Variants in NTRK1 observed in about 807,000 individuals in gnomAD.
NTRK1 encodes high affinity nerve growth factor receptor.
In NTRK1, 62 loss-of-function variants were observed where a neutral mutation model predicts 86.8. That is an observed-to-expected ratio of 0.71 (90% CI 0.58 to 0.88). The LOEUF is 0.88. Among genes scored for constraint, NTRK1 ranks in the 40% least tolerant of loss-of-function variants. The pLI is 0.00. For synonymous variants in NTRK1, 469 were observed against 456.6 expected, an observed-to-expected ratio of 1.03 and a Z score of -0.35; for missense variants, 967 against 1,078.4, an observed-to-expected ratio of 0.90 and a Z score of 1.45.
At chr1:156,817,795 A>C (rs1571634961) in intron 1 of NTRK1, among the ~76,000 whole-genome samples, 1 of 152,032 alleles carries the variant, frequency 6.6e-6, no homozygotes. Flanking sequence ...GGCTTGTACC[A>C]CCATGCCTGG....
rs1381670284 is a variant in NTRK1 at position 156,881,638 on chromosome 1, G to A, written c.2387G>A (p.Gly796Asp). Residue 796 changes from glycine (G) to aspartate (D), a missense_variant, in exon 17 of 17, where the codon GGC (glycine) becomes GAC (aspartate). Physicochemically the swap from Gly to Asp is moderately conservative, Grantham distance 94. Coordinates refer to ENST00000524377, the MANE Select transcript of NTRK1 (RefSeq NM_002529.4). ...CCTCCTGTCTACCTGGATGTCCTGG[G>A]CTAGGGGGCCGGCCCAGGGGCTGGG... ...QAPPVYLDVLG is the reference protein window; with the variant it reads ...QAPPVYLDVLD 1.2e-6 allele frequency: 2 copies of A among 1,604,554 alleles called. No individual in the cohort carries two copies. Among genetic ancestry groups the A allele is most frequent in the Non-Finnish European group, 1.7e-6 (2 of 1,176,258 alleles).
At chr1:156,858,210 C>T (rs1655478458), upstream of NTRK1, among the ~76,000 whole-genome samples, 1 of 152,208 alleles carries the variant, frequency 6.6e-6, no homozygotes, top group Non-Finnish European at 1.5e-5. Flanking sequence ...CATTCAGTGG[C>T]CCTAGAGATG....
upstream of NTRK1, among the ~76,000 whole-genome samples, chr1:156,859,508 C>A (rs1002000706): frequency 3.9e-5 from 6 of 152,156 alleles, no homozygotes; most frequent in Non-Finnish European, 7.4e-5. This position sits in a 1 kb window ranked among gnomAD's most constrained non-coding sequence, Gnocchi z 6.2. Context: ...CCCGGGAGAA[C>A]GTGGACAGCC....
At chr1:156,863,349 A>T (rs934724352) in intron 1 of NTRK1, among the ~76,000 whole-genome samples, 3 of 144,732 alleles carry the variant, frequency 2.1e-5, no homozygotes, top group African/African-American at 2.6e-5. Flanking sequence ...TCTCTGTTTC[A>T]CTCTCTCTTT....
intron 1 of NTRK1, 146 bp from the exon 2 acceptor site, chr1:156,864,208 C>A: frequency 1.3e-6 from 1 of 745,052 alleles, no homozygotes; most frequent in Non-Finnish European, 2.4e-6. Context: ...TGTGTGCACG[C>A]CTGTGTAAGT....
At chr1:156,845,851 G>C (rs1174102904) in intron 2 of NTRK1, 1 of 1,586,572 alleles carries the variant, frequency 6.3e-7, no homozygotes, top group Admixed American at 1.8e-5. Flanking sequence ...TAAGACAGGC[G>C]GTCTACCCGC....
At chr1:156,860,691 CCTCGGG>C (rs1655594095), upstream of NTRK1, 2 of 613,348 alleles carry the variant, frequency 3.3e-6, no homozygotes, top group Non-Finnish European at 5.0e-6. Flanking sequence ...TGAGGCGGAT[CCTCGGG>C]GAGAAGGCTG....
intron 6 of NTRK1, 92 bp downstream of exon 6, chr1:156,868,739 G>A (rs1647336564): frequency 1.3e-6 from 2 of 1,512,436 alleles, no homozygotes; most frequent in Admixed American, 2.0e-5. Context: ...GGAGGAAAGA[G>A]ACAACGAATA....
At chr1:156,867,089 G>A in intron 4 of NTRK1, 111 bp downstream of exon 4, 3 of 1,123,224 alleles carry the variant, frequency 2.7e-6, no homozygotes, top group East Asian at 2.4e-5. Flanking sequence ...CTGCTGGGGG[G>A]TCTCTTTGGG....
At chr1:156,867,741 T>A (rs570102625) in intron 4 of NTRK1, among the ~76,000 whole-genome samples, 1 of 151,912 alleles carries the variant, frequency 6.6e-6, no homozygotes, top group South Asian at 2.1e-4. Context: ...CAATCTCATC[T>A]CGGCTCACTG....
At chr1:156,871,498 C>A in intron 6 of NTRK1, 125 bp from the exon 7 acceptor site, 1 of 1,048,916 alleles carries the variant, frequency 9.5e-7, no homozygotes, top group Non-Finnish European at 1.4e-6. Context: ...CCCTCTCTCC[C>A]TTCTCTTCCC....
chr1:156,862,025 A>G (rs111444791), intron 1 of NTRK1, among the ~76,000 whole-genome samples: 91 of 152,300 alleles, frequency 6.0e-4, no homozygotes, highest in African/African-American at 2.0e-3. Context: ...AATATTACAT[A>G]TGGCTATCAT....
chr1:156,838,889 G>A (rs546547614), intron 1 of NTRK1, among the ~76,000 whole-genome samples: 92 of 152,364 alleles, frequency 6.0e-4, no homozygotes, highest in African/African-American at 2.0e-3. Context: ...CCCTGCAGGC[G>A]TGTGCAAATG....
At chr1:156,850,661 T>A (rs982516056) in intron 2 of NTRK1, among the ~76,000 whole-genome samples, 1 of 147,390 alleles carries the variant, frequency 6.8e-6, no homozygotes, top group African/African-American at 2.5e-5. Context: ...TTCAAACAAT[T>A]CTCCTGCCTC....
chr1:156,836,245 A>G (rs11264572), intron 1 of NTRK1, among the ~76,000 whole-genome samples: 95,812 of 151,964 alleles, frequency 0.63, 30,809 homozygotes, highest in East Asian at 0.8. Flanking sequence ...AAGTGGGGAG[A>G]GTTGGGGGCC....
Position 156,861,133 on chromosome 1 carries a change from A to C in NTRK1, c.199A>C (p.Asn67His). Residue 67 changes from asparagine (N) to histidine (H), a missense_variant, in exon 1 of 17, where the codon AAC becomes CAC. Asn to His is a moderately conservative substitution (Grantham distance 68). Coordinates refer to ENST00000524377, the MANE Select transcript of NTRK1 (RefSeq NM_002529.4). Reference protein sequence around the residue: ...DSLHHLPGAENLTELYIENQQ... With the variant: ...DSLHHLPGAEHLTELYIENQQ... ...CCTCCACCACCTGCCCGGCGCAGAG[A>C]ACCTGACTGAGCTGTGAGTGTCCGG... 1 of 1,578,098 alleles carries C rather than the reference A, an allele frequency of 6.3e-7. No individual in the cohort carries two copies. Among genetic ancestry groups the C allele is most frequent in the Non-Finnish European group, 8.6e-7 (1 of 1,165,892 alleles).
chr1:156,844,055 A>C, intron 2 of NTRK1: 16 of 700,124 alleles, frequency 2.3e-5, no homozygotes, highest in Non-Finnish European at 3.2e-5. Flanking sequence ...CCGCAGGGGA[A>C]GAGTTACTGC....
rs141357125 is a variant in NTRK1 at position 156,847,359 on chromosome 1, G to T, written c.50+5166G>T. Among the ~76,000 whole-genome samples, 47 of 152,362 alleles carry T rather than the reference G, an allele frequency of 3.1e-4. No individual in the cohort carries two copies. In the East Asian group the frequency reaches 7.9e-3, roughly 26 times the overall value. ...CAGAGGCAACTAGTGCTGGCTGCCT[G>T]AAGGCCAGTTTCGGGGCAGGGCTTG... On this transcript the variant is annotated intron_variant, in intron 2 of 16. Coordinates refer to the NTRK1 transcript ENST00000392302.
chr1:156,841,947 T>G, intron 1 of NTRK1: 2 of 1,547,612 alleles, frequency 1.3e-6, no homozygotes, highest in Non-Finnish European at 1.8e-6. Flanking sequence ...ACTCATCCCA[T>G]CCAAACCCCT....
Sources: gnomAD v4.1 joint callset for allele counts (sites outside exome capture counted in the v4.1 genomes callset) on GRCh38, gnomAD v4.1.1 for gene constraint, Gnocchi (gnomAD v3.1) non-coding constraint, MANE v1.5 for transcripts, NCBI Gene and HGNC (gene_info 2026-07-23, HGNC 2026-07-21) for gene names.